NFAM1: variants seen among roughly 807,000 people sequenced by gnomAD.
NFAM1 encodes NFAT activating protein with ITAM motif 1.
NFAM1 carries 17 observed loss-of-function variants against 29.0 expected under a neutral mutation model. The observed-to-expected ratio is 0.59, with a 90% CI of 0.40 to 0.88. NFAM1 has a LOEUF of 0.88. NFAM1 is among the 40% of genes least tolerant of loss of function. The pLI is 0.00. For missense variants in NFAM1, 324 were observed against 344.6 expected (o/e 0.94, Z 0.47); for synonymous variants, 175 against 147.2 (o/e 1.19, Z -1.36).
chr22:42,415,483 T>C (rs1465325358), intron 1 of NFAM1, among the ~76,000 whole-genome samples: 2 of 152,072 alleles, frequency 1.3e-5, no homozygotes, highest in Non-Finnish European at 2.9e-5. Context: ...GTATTTTTAG[T>C]AGAGACGGGG....
In NFAM1 at chr22:42,409,918, CGG is replaced by C. The variant is rs1569231523; in HGVS notation, c.452-373_452-372del. On this transcript the variant is annotated intron_variant, in intron 2 of 5. Coordinates refer to ENST00000329021, the MANE Select transcript of NFAM1 (RefSeq NM_145912.8). The surrounding 1 kb of genome is among the most constrained non-coding windows in gnomAD (Gnocchi z 4.9). ...TGGATGTGGCTAGGGCTGAAGGAGG[CGG>C]ATTTATCCTGGGACTGACAGGGGGC... Among the ~76,000 whole-genome samples the C allele has an allele frequency of 1.3e-5, 2 of 152,102 alleles. No individual in the cohort carries two copies. Among genetic ancestry groups the C allele is most frequent in the African/African-American group, 4.8e-5 (2 of 41,430 alleles).
At chr22:42,424,219 T>C (rs746192511) in intron 1 of NFAM1, among the ~76,000 whole-genome samples, 1 of 151,986 alleles carries the variant, frequency 6.6e-6, no homozygotes, top group Non-Finnish European at 1.5e-5. Flanking sequence ...ATTGAGACCA[T>C]CCTGGCTAAC....
intron 1 of NFAM1, among the ~76,000 whole-genome samples, chr22:42,427,359 C>T (rs754308961): frequency 2.6e-5 from 4 of 151,908 alleles, no homozygotes; most frequent in African/African-American, 4.8e-5. Context: ...AGAGGAAGGG[C>T]AGAGGACGAC....
chr22:42,432,855 A>G (rs1014921904), upstream of NFAM1, among the ~76,000 whole-genome samples: 1 of 151,984 alleles, frequency 6.6e-6, no homozygotes, highest in Non-Finnish European at 1.5e-5. Context: ...GGCTGGGGTG[A>G]AGGGCAGGAG....
At chr22:42,424,414 C>CA (rs147419156) in intron 1 of NFAM1, among the ~76,000 whole-genome samples, 30,638 of 146,310 alleles carry the variant, frequency 0.21, 3,380 homozygotes, top group South Asian at 0.39. Flanking sequence ...GACTCCGTCT[C>CA]AAAAAAGAAA....
At chr22:42,398,171 G>T (rs570880431) in intron 3 of NFAM1, among the ~76,000 whole-genome samples, 89 of 152,282 alleles carry the variant, frequency 5.8e-4, no homozygotes, top group African/African-American at 1.9e-3. Flanking sequence ...AATGGAAAAG[G>T]CCCACACGAG....
intron 5 of NFAM1, among the ~76,000 whole-genome samples, chr22:42,386,096 C>A (rs12484885): frequency 7.2e-5 from 11 of 151,964 alleles, no homozygotes. Context: ...AAGTATGGGC[C>A]GGGCGCGGTG....
chr22:42,386,395 A>AC (rs56698188), intron 5 of NFAM1, among the ~76,000 whole-genome samples: 54,287 of 120,360 alleles, frequency 0.45, 10,342 homozygotes, highest in African/African-American at 0.54. Context: ...AAAAACAAAC[A>AC]AACACACACA....
chr22:42,408,946 A>G (rs948322339), intron 3 of NFAM1, among the ~76,000 whole-genome samples: 1 of 152,132 alleles, frequency 6.6e-6, no homozygotes, highest in Non-Finnish European at 1.5e-5. Context: ...AAACCTCGTC[A>G]TGGAGCTATG....
At chr22:42,402,475 G>C (rs79135451) in intron 3 of NFAM1, among the ~76,000 whole-genome samples, 8,219 of 152,252 alleles carry the variant, frequency 0.054, 398 homozygotes, top group African/African-American at 0.11. Flanking sequence ...GGAAGGGCTC[G>C]GAGGAAGGGG....
chr22:42,432,089 G>C, intron 1 of NFAM1, 148 bp downstream of exon 1: 2 of 729,476 alleles, frequency 2.7e-6, no homozygotes, highest in Non-Finnish European at 2.3e-6. Flanking sequence ...GTCCCAGAAG[G>C]CTTCCCCTGT....
chr22:42,427,725 A>C (rs1930668006), intron 1 of NFAM1, among the ~76,000 whole-genome samples: 1 of 152,090 alleles, frequency 6.6e-6, no homozygotes, highest in South Asian at 2.1e-4. Flanking sequence ...TCAGTGAAAG[A>C]AGCGGGTCAC....
intron 2 of NFAM1, among the ~76,000 whole-genome samples, chr22:42,410,888 T>G (rs1397736733): frequency 1.3e-5 from 2 of 152,100 alleles, no homozygotes; most frequent in Non-Finnish European, 2.9e-5. Context: ...CAGATCTGCA[T>G]GCCCGGCCCT....
intron 5 of NFAM1, among the ~76,000 whole-genome samples, chr22:42,385,509 C>T (rs1032164169): frequency 6.6e-6 from 1 of 152,100 alleles, no homozygotes; most frequent in African/African-American, 2.4e-5. Flanking sequence ...GGATGCGCCT[C>T]CTCCCACAGA....
intron 4 of NFAM1, among the ~76,000 whole-genome samples, chr22:42,391,597 A>G (rs1295641065): frequency 6.6e-6 from 1 of 152,176 alleles, no homozygotes; most frequent in African/African-American, 2.4e-5. Context: ...AGCAACGGGA[A>G]GGATGGAGCA....
chr22:42,389,939 G>A (rs1039980807), intron 4 of NFAM1, among the ~76,000 whole-genome samples: 5 of 152,148 alleles, frequency 3.3e-5, no homozygotes, highest in Non-Finnish European at 5.9e-5. Flanking sequence ...GGTGTTGTTC[G>A]GGAAGGAACA....
chr22:42,432,255 C>T lies in NFAM1; in HGVS notation c.103G>A (p.Gly35Arg), dbSNP rs750984804. 4.5e-6 allele frequency: 7 copies of T among 1,572,652 alleles called. No homozygotes were observed. The highest frequency in any genetic ancestry group is 2.3e-5 in the East Asian group (1 of 42,784). Residue 35 changes from glycine to arginine, a missense_variant, in exon 1 of 6, where the codon GGG (glycine) becomes AGG (arginine). Physicochemically the swap from Gly to Arg is moderately radical, Grantham distance 125 (BLOSUM62 -2). Coordinates refer to ENST00000329021, the MANE Select transcript of NFAM1 (RefSeq NM_145912.8). ...ACACTACCTGCCAGTCGCAGGGTCC[C>T]GGGCAGCAGCAGCACGCCAAGGAGG... ...WLLLGVLLLPGTLRLAGGQSV... is the reference protein window; with the variant it reads ...WLLLGVLLLPRTLRLAGGQSV...
intron 1 of NFAM1, among the ~76,000 whole-genome samples, chr22:42,422,548 C>T (rs537287452): frequency 4.6e-5 from 7 of 152,068 alleles, no homozygotes; most frequent in East Asian, 1.9e-4. Context: ...GAGGGTGAGC[C>T]GAGACCGCGC....
chr22:42,387,575 C>T (rs1929194114), intron 4 of NFAM1, among the ~76,000 whole-genome samples: 1 of 135,018 alleles, frequency 7.4e-6, no homozygotes, highest in Admixed American at 7.9e-5. Flanking sequence ...CTCTCCCCAA[C>T]CCCCACCCCA....
Sources: allele counts gnomAD v4.1 joint callset (sites outside exome capture counted in the v4.1 genomes callset), GRCh38; gene constraint gnomAD v4.1.1; non-coding constraint Gnocchi (gnomAD v3.1); transcripts MANE v1.5; gene names NCBI Gene and HGNC (gene_info 2026-07-23, HGNC 2026-07-21).